The following BAIAP2L1 variants were observed in gnomAD, a reference collection of about 807,000 sequenced individuals.
The protein encoded by BAIAP2L1 is BAR/IMD domain containing adaptor protein 2 like 1.
BAIAP2L1 carries 35 observed loss-of-function variants against 66.3 expected under a neutral mutation model. That is an observed-to-expected ratio of 0.53 (90% confidence interval 0.40 to 0.70). BAIAP2L1 has a LOEUF of 0.70. Among genes scored for constraint, BAIAP2L1 ranks in the 30% least tolerant of loss-of-function variants. The pLI is 0.00. For missense variants in BAIAP2L1, 622 were observed against 656.9 expected, an observed-to-expected ratio of 0.95 and a Z score of 0.58; for synonymous variants, 269 against 248.7, an observed-to-expected ratio of 1.08 and a Z score of -0.77.
At position 98,292,851 on chromosome 7, in the gene BAIAP2L1, A is replaced by C; in HGVS notation, c.*670T>G. 1 of 1,451,940 alleles carries C rather than the reference A, an allele frequency of 6.9e-7. No individual in the cohort carries two copies. The highest frequency in any genetic ancestry group is 9.1e-7 in the Non-Finnish European group (1 of 1,101,236). The allele number at this position is 1,451,940 out of a possible 1,614,324, so 89.9% of individuals were successfully genotyped here. A position where few individuals can be genotyped will look rare whatever the true frequency, so the allele number is the denominator to read the frequency against. The stretch of plus-strand genomic sequence containing the variant: ...GCAGCGAATCCGTTGGCGACTCCTA[A>C]CTACCAAGAAAAGGAGCTCTCGGAG... On this transcript the variant is annotated 3_prime_UTR_variant, in exon 14 of 14. Transcript: ENST00000005260.
At chr7:98,397,359 C>T (rs368271487) in intron 1 of BAIAP2L1, among the ~76,000 whole-genome samples, 3 of 121,798 alleles carry the variant, frequency 2.5e-5, no homozygotes, top group South Asian at 5.3e-4. Context: ...GAGTCTCGCT[C>T]TGTCGCCCAG....
intron 12 of BAIAP2L1, among the ~76,000 whole-genome samples, chr7:98,295,530 A>T (rs1800154786): frequency 6.6e-6 from 1 of 152,190 alleles, no homozygotes; most frequent in Admixed American, 6.5e-5. Context: ...TAAATGCACC[A>T]GGGTGCCTGT....
chr7:98,358,741 T>C (rs967459498), intron 2 of BAIAP2L1, among the ~76,000 whole-genome samples: 3 of 152,164 alleles, frequency 2.0e-5, no homozygotes, highest in Admixed American at 6.6e-5. Flanking sequence ...CCTTAAAATA[T>C]GGTTTCATTG....
intron 1 of BAIAP2L1, among the ~76,000 whole-genome samples, chr7:98,393,163 A>G (rs776521625): frequency 1.0e-5 from 1 of 98,228 alleles, no homozygotes; most frequent in African/African-American, 3.3e-5. Flanking sequence ...ATGTACACAT[A>G]TATGTATATA....
At chr7:98,381,300 TTTCA>T (rs2115803449) in intron 1 of BAIAP2L1, among the ~76,000 whole-genome samples, 1 of 152,324 alleles carries the variant, frequency 6.6e-6, no homozygotes, top group East Asian at 1.9e-4. Context: ...TCCGTGAGAA[TTTCA>T]TTATGACATA....
intron 1 of BAIAP2L1, among the ~76,000 whole-genome samples, 186 bp from the exon 2 acceptor site, chr7:98,362,618 G>A (rs1178813704): frequency 6.6e-6 from 1 of 152,220 alleles, no homozygotes; most frequent in African/African-American, 2.4e-5. Context: ...GGGCTCACAG[G>A]TGGCAAGGTG....
At chr7:98,337,516 G>GTT (rs1288975936) in intron 3 of BAIAP2L1, among the ~76,000 whole-genome samples, 2 of 152,222 alleles carry the variant, frequency 1.3e-5, no homozygotes, top group African/African-American at 4.8e-5. Flanking sequence ...AACAGTTGAG[G>GTT]AGAATAAGGC....
At chr7:98,363,663 ATG>A (rs1221113551) in intron 1 of BAIAP2L1, among the ~76,000 whole-genome samples, 1 of 152,172 alleles carries the variant, frequency 6.6e-6, no homozygotes, top group Non-Finnish European at 1.5e-5. Flanking sequence ...GGCGATTGTT[ATG>A]TGTTTGTTCC....
At chr7:98,325,693 A>G (rs1397466803) in intron 3 of BAIAP2L1, among the ~76,000 whole-genome samples, 1 of 152,018 alleles carries the variant, frequency 6.6e-6, no homozygotes, top group Non-Finnish European at 1.5e-5. Context: ...ATATATACAT[A>G]CAAAAAAAAA....
chr7:98,334,272 A>G (rs890127420), intron 3 of BAIAP2L1, among the ~76,000 whole-genome samples: 1 of 152,208 alleles, frequency 6.6e-6, no homozygotes, highest in African/African-American at 2.4e-5. Flanking sequence ...CACACAGATC[A>G]GCATCAGTGC....
At chr7:98,326,780 C>G (rs1469858429) in intron 3 of BAIAP2L1, among the ~76,000 whole-genome samples, 3 of 152,072 alleles carry the variant, frequency 2.0e-5, no homozygotes, top group African/African-American at 7.2e-5. Context: ...AAATCATCAA[C>G]AGATGCTCAA....
chr7:98,319,935 GCAT>G (rs1300704038), intron 5 of BAIAP2L1, 120 bp downstream of exon 5: 2 of 783,426 alleles, frequency 2.6e-6, no homozygotes, highest in Non-Finnish European at 4.3e-6. Context: ...ATGCATCTGG[GCAT>G]CATCAACACG....
chr7:98,320,729 GACAC>G (rs1562972403), intron 3 of BAIAP2L1, among the ~76,000 whole-genome samples: 1 of 152,210 alleles, frequency 6.6e-6, no homozygotes, highest in Admixed American at 6.5e-5. Context: ...TCATCCCTGA[GACAC>G]ATCAGGAGCA....
At position 98,304,165 on chromosome 7, in the gene BAIAP2L1, A is replaced by G. The variant is rs1450974237; in HGVS notation, c.1422+31T>C. 3.3e-6 allele frequency: 5 copies of G among 1,535,988 alleles called. No homozygotes were observed. The Admixed American group carries it at 1.0e-4, about 32-fold the overall frequency. On this transcript the variant is annotated intron_variant, in intron 12 of 13. Transcript: ENST00000005260. ...CCCAGTCGGGGATGGCGAGTCCAGG[A>G]CCCAGGACGCCCTGCTGCGGCTTTA...
At position 98,312,295 on chromosome 7, in the gene BAIAP2L1, A is replaced by G. The variant is rs202108274; in HGVS notation, c.640-31T>C. 1.9e-6 allele frequency: 3 copies of G among 1,576,244 alleles called. No homozygotes were observed. The East Asian group carries it at 6.8e-5, about 36-fold the overall frequency. ...AAGCCAAAAGAAGAAGACTAAAGAC[A>G]AAGAAGATTGTCTGAAGAGCTGAGA... is the stretch of plus-strand genomic sequence containing the variant. On this transcript the variant is annotated intron_variant, in intron 7 of 13. Transcript: ENST00000005260.
rs1490324157 is a variant in BAIAP2L1 at position 98,315,447 on chromosome 7, C to A, written c.639+13G>T. 7.1e-7 allele frequency: 1 copy of A among 1,405,220 alleles called. No homozygotes were observed. The highest frequency in any genetic ancestry group is 1.8e-5 in the South Asian group (1 of 56,586). The allele number at this position is 1,405,220 out of a possible 1,614,324, so 87.0% of individuals were successfully genotyped here. A position where few individuals can be genotyped will look rare whatever the true frequency, so the allele number is the denominator to read the frequency against. On this transcript the variant is annotated intron_variant, in intron 7 of 13. Coordinates refer to ENST00000005260, the MANE Select transcript of BAIAP2L1 (RefSeq NM_018842.5). ...TTATTAATACGCTCAAGGCAATTTGCCACCACACCCACCTGTAAGTGATAA... is the reference window on the plus strand; with the variant it reads ...TTATTAATACGCTCAAGGCAATTTGACACCACACCCACCTGTAAGTGATAA...
chr7:98,384,430 C>T (rs1802836071), intron 1 of BAIAP2L1, among the ~76,000 whole-genome samples: 1 of 152,116 alleles, frequency 6.6e-6, no homozygotes, highest in Non-Finnish European at 1.5e-5. Context: ...TGACTAAGTG[C>T]TCTTGCCTGC....
intron 3 of BAIAP2L1, among the ~76,000 whole-genome samples, chr7:98,347,362 C>T (rs1040045970): frequency 6.6e-6 from 1 of 152,148 alleles, no homozygotes; most frequent in Admixed American, 6.5e-5. Context: ...CATAGAACAA[C>T]GTAATTTTGC....
At chr7:98,305,901 A>G (rs1003774641) in intron 11 of BAIAP2L1, among the ~76,000 whole-genome samples, 1 of 152,122 alleles carries the variant, frequency 6.6e-6, no homozygotes, top group Admixed American at 6.5e-5. Context: ...CCATCAGTGT[A>G]TTTCAAGCCA....
Sources: gnomAD v4.1 joint callset for allele counts (sites outside exome capture counted in the v4.1 genomes callset) on GRCh38, gnomAD v4.1.1 for gene constraint, MANE v1.5 for transcripts, NCBI Gene and HGNC (gene_info 2026-07-23, HGNC 2026-07-21) for gene names.